MYO1A: variants seen among roughly 807,000 people sequenced by gnomAD.
MYO1A encodes myosin IA, also known as unconventional myosin-Ia.
MYO1A carries 127 observed loss-of-function variants against 138.5 expected under a neutral mutation model. The ratio of observed to expected loss-of-function variants is 0.92; its 90% CI spans 0.79 to 1.06. The LOEUF (loss-of-function observed/expected upper bound fraction) is 1.06. MYO1A is among the 50% of genes least tolerant of loss of function. The pLI, the probability that MYO1A is intolerant of heterozygous loss-of-function variation, is 0.00. For missense variants in MYO1A, 1,211 were observed against 1,288.8 expected (o/e 0.94, Z 0.92); for synonymous variants, 477 against 497.5 (o/e 0.96, Z 0.55).
chr12:57,030,868 A>G (rs927871478), intron 23 of MYO1A, among the ~76,000 whole-genome samples, 172 bp downstream of exon 23: 1 of 152,244 alleles, frequency 6.6e-6, no homozygotes, highest in African/African-American at 2.4e-5. Flanking sequence ...AATGTCGCTC[A>G]TGCCACTGAA....
At chr12:57,046,819 G>A (rs750412752) in intron 7 of MYO1A, 44 bp downstream of exon 7, 2 of 1,597,072 alleles carry the variant, frequency 1.3e-6, no homozygotes, top group South Asian at 1.1e-5. Flanking sequence ...AGGGCCATGG[G>A]AGGCAGGTGG....
Position 57,046,407 on chromosome 12 carries a change from G to A in MYO1A, c.640+145C>T, listed in dbSNP as rs764541544. On this transcript the variant is annotated intron_variant, in intron 8 of 27. Transcript: ENST00000300119. The stretch of plus-strand genomic sequence containing the variant: ...ACAATGAGTGGGTGAGGCTGAGAAT[G>A]GGAAATGCAGCAAGGAAAATCTGGG... 103 of 719,152 alleles carry A rather than the reference G, an allele frequency of 1.4e-4. No individual in the cohort carries two copies. The Admixed American group carries it at 1.6e-3, about 11-fold the overall frequency. 44.5% of individuals were successfully genotyped at this position (719,152 alleles called of 1,614,324 possible).
At position 57,047,320 on chromosome 12, in the gene MYO1A, G is replaced by T; in HGVS notation, c.413C>A (p.Ser138Tyr). The change falls in exon 5 of 28, where the codon TCT (serine) becomes TAT (tyrosine). Residue 138 changes from serine (S) to tyrosine (Y), a missense_variant. Physicochemically the swap from Ser to Tyr is moderately radical, Grantham distance 144 (BLOSUM62 -2). Coordinates refer to ENST00000300119, the MANE Select transcript of MYO1A (RefSeq NM_005379.4). ...VNSVKEQLLQ[S>Y]NPVLEAFGNA... ...ATTCTCACCCTCCAGCACTGGGTTA[G>T]ACTGTAGCAGCTGCTCCTTCACAGA... 1 of 1,614,090 alleles carries T rather than the reference G, an allele frequency of 6.2e-7. No homozygotes were observed. The highest frequency in any genetic ancestry group is 8.5e-7 in the Non-Finnish European group (1 of 1,179,978).
In MYO1A at chr12:57,043,245, T is replaced by A; in HGVS notation, c.1006A>T (p.Met336Leu). ...CACTCCAGTGAGCTCCTTACCTGCATAACATTCAGTGCAGTGACCACCTTT... is the reference window on the plus strand; with the variant it reads ...CACTCCAGTGAGCTCCTTACCTGCAAAACATTCAGTGCAGTGACCACCTTT... ...KEKVVTALNV[M>L]QAQYARDALA... The change falls in exon 11 of 28, where the codon ATG becomes TTG. Residue 336 changes from methionine to leucine, a missense_variant. Coordinates refer to ENST00000300119, the MANE Select transcript of MYO1A (RefSeq NM_005379.4). 1 of 1,614,122 alleles carries A rather than the reference T, an allele frequency of 6.2e-7. No homozygotes were observed. Among genetic ancestry groups the A allele is most frequent in the Non-Finnish European group, 8.5e-7 (1 of 1,179,930 alleles).
At position 57,036,362 on chromosome 12, in the gene MYO1A, T is replaced by C. The variant is rs767661091; in HGVS notation, c.2294A>G (p.Lys765Arg). Residue 765 changes from lysine (K) to arginine (R), a missense_variant, in exon 22 of 28, where the codon AAA (lysine) becomes AGA (arginine). Coordinates refer to ENST00000300119, the MANE Select transcript of MYO1A (RefSeq NM_005379.4). ...RGWKARKNYR[K>R]YFRSEAALTL... ...GAGGGCAGCCTCTGACCGGAAATAT[T>C]TGCGATAATTCTTTCGGGCCTGGCA... The C allele has an allele frequency of 4.3e-6, 7 of 1,613,874 alleles. No individual in the cohort carries two copies. The South Asian group carries it at 4.4e-5, about 10-fold the overall frequency.
intron 14 of MYO1A, among the ~76,000 whole-genome samples, chr12:57,040,100 G>T (rs1290042131): frequency 6.6e-6 from 1 of 152,216 alleles, no homozygotes; most frequent in Non-Finnish European, 1.5e-5. Flanking sequence ...TGGCTGGGAA[G>T]CATAGGTCTT....
rs3816999 is a variant in MYO1A, at chr12:57,041,371, C to G, written c.1164+61G>C. ...CCTACCTCCCCTCCCTCACATCCCC[C>G]CTGTGAGCCTGTCCACCTCTAATCC... On this transcript the variant is annotated intron_variant, in intron 13 of 27. Coordinates refer to ENST00000300119, the MANE Select transcript of MYO1A (RefSeq NM_005379.4). The G allele has an allele frequency of 1.7e-4, 267 of 1,584,362 alleles. No individual in the cohort carries two copies. The African/African-American group carries it at 2.0e-3, about 12-fold the overall frequency.
At chr12:57,033,772 GA>G (rs2030400332) in intron 22 of MYO1A, among the ~76,000 whole-genome samples, 1 of 152,196 alleles carries the variant, frequency 6.6e-6, no homozygotes, top group Non-Finnish European at 1.5e-5. Flanking sequence ...GAATTTTTAT[GA>G]AAAAGTTTTA....
intron 21 of MYO1A, 150 bp from the exon 22 acceptor site, chr12:57,036,531 T>C: frequency 1.0e-6 from 1 of 972,316 alleles, no homozygotes; most frequent in Non-Finnish European, 1.6e-6. Context: ...AAGTTGGCAG[T>C]GAGGACACTT....
In MYO1A at chr12:57,047,066, G is replaced by A. The variant is rs767777265; in HGVS notation, c.472C>T (p.Arg158Ter). Residue 158 changes from arginine (R) to a stop codon, truncating the protein, a stop_gained, in exon 6 of 28, where the codon CGA (arginine) becomes TGA (stop). Transcript: ENST00000300119. LOFTEE classifies it high-confidence loss of function. ...GTGGGGAGACATTTACTCACAAATC[G>A]GGAGGAATTGTTGTTGCGAATGGTC... ...AKTIRNNNSS[R>*]FGKYMDIEFD... 50 of 1,614,040 alleles carry A rather than the reference G, an allele frequency of 3.1e-5. No individual in the cohort carries two copies. Among genetic ancestry groups the A allele is most frequent in the Admixed American group, 3.0e-4 (18 of 60,002 alleles).
intron 22 of MYO1A, among the ~76,000 whole-genome samples, chr12:57,035,786 T>A (rs926668511): frequency 6.6e-6 from 1 of 152,224 alleles, no homozygotes; most frequent in African/African-American, 2.4e-5. Flanking sequence ...GGTCTTCCCA[T>A]CCAGCCTGAC....
chr12:57,036,432 G>T (rs1218000169), intron 21 of MYO1A, 51 bp from the exon 22 acceptor site: 2 of 1,561,208 alleles, frequency 1.3e-6, no homozygotes, highest in Admixed American at 1.7e-5. Context: ...GCAGATTCTA[G>T]AAGAGGTTGT....
chr12:57,038,738 C>T (rs1411546206), intron 16 of MYO1A, 71 bp downstream of exon 16: 24 of 1,608,824 alleles, frequency 1.5e-5, no homozygotes, highest in Admixed American at 3.3e-5. Flanking sequence ...TCACCTTCCC[C>T]GGGTTCCTCC....
In MYO1A at chr12:57,046,937, A is replaced by G. The variant is rs759825390; in HGVS notation, c.478-11T>C. 6.2e-7 allele frequency: 1 copy of G among 1,613,890 alleles called. No individual in the cohort carries two copies. Among genetic ancestry groups the G allele is most frequent in the Non-Finnish European group, 8.5e-7 (1 of 1,179,842 alleles). ...ATCCATGTATTTTCCCTTCAGAGAG[A>G]GACCAGAGAGAGAGACTTAGCTTCT... On this transcript the variant is annotated splice_polypyrimidine_tract_variant and intron_variant, in intron 6 of 27. Coordinates refer to ENST00000300119, the MANE Select transcript of MYO1A (RefSeq NM_005379.4).
At position 57,041,138 on chromosome 12, in the gene MYO1A, G is replaced by A. The variant is rs201269758; in HGVS notation, c.1269+46C>T. ...AAGGAGAAAGGAAGCTCTGGCATAT[G>A]CCTAGAAGTTGTTTAAGAGGGGGAA... On this transcript the variant is annotated intron_variant, in intron 14 of 27. Transcript: ENST00000300119. 2.3e-5 allele frequency: 33 copies of A among 1,415,916 alleles called. No homozygotes were observed. The East Asian group carries it at 3.9e-4, about 17-fold the overall frequency. 87.7% of individuals were successfully genotyped at this position (1,415,916 alleles called of 1,614,324 possible).
chr12:57,035,488 G>T (rs1288379933), intron 22 of MYO1A, among the ~76,000 whole-genome samples: 1 of 152,190 alleles, frequency 6.6e-6, no homozygotes, highest in Non-Finnish European at 1.5e-5. Flanking sequence ...CATGTCTTAT[G>T]TCTGAATGAG....
intron 22 of MYO1A, among the ~76,000 whole-genome samples, chr12:57,035,583 T>C (rs367810492): frequency 8.5e-5 from 13 of 152,334 alleles, no homozygotes; most frequent in Admixed American, 4.6e-4. Flanking sequence ...CAAGATCCCA[T>C]GCTCTTCCTC....
intron 26 of MYO1A, 28 bp downstream of exon 26, chr12:57,029,407 C>A: frequency 1.2e-6 from 2 of 1,614,008 alleles, no homozygotes; most frequent in South Asian, 1.1e-5. Flanking sequence ...TTCTCCAGTC[C>A]AAGGCTTGCC....
chr12:57,039,771 T>C (rs2030774726), intron 14 of MYO1A, among the ~76,000 whole-genome samples: 1 of 152,212 alleles, frequency 6.6e-6, no homozygotes, highest in African/African-American at 2.4e-5. Flanking sequence ...TGGAGGGCTG[T>C]TAAAATACAG....
Sources: gnomAD v4.1 joint callset for allele counts (sites outside exome capture counted in the v4.1 genomes callset) on GRCh38, gnomAD v4.1.1 for gene constraint, MANE v1.5 for transcripts, NCBI Gene and HGNC (gene_info 2026-07-23, HGNC 2026-07-21) for gene names.